BICD1: variants seen among roughly 807,000 people sequenced by gnomAD.
BICD1 encodes protein bicaudal D homolog 1.
A neutral mutation model predicts 92.5 loss-of-function variants in BICD1; 35 were observed. That is an observed-to-expected ratio of 0.38 (90% confidence interval 0.29 to 0.50). BICD1 has a LOEUF of 0.50. Among genes scored for constraint, BICD1 ranks in the 20% least tolerant of loss-of-function variants. BICD1 has a pLI of 0.93. For missense variants in BICD1, 950 were observed against 1,189.8 expected (o/e 0.80, Z 2.97); for synonymous variants, 429 against 465.1 (o/e 0.92, Z 1.00).
chr12:32,332,379 A>C, intron 5 of BICD1: 3 of 933,180 alleles, frequency 3.2e-6, no homozygotes, highest in Non-Finnish European at 2.6e-6. Context: ...CCCTGAACTT[A>C]AAAGTTAAAA....
chr12:32,243,264 A>ATTTTTTTTTTTTTTTTTTTTTTT (rs71068310), intron 2 of BICD1, among the ~76,000 whole-genome samples: 10 of 74,032 alleles, frequency 1.4e-4, no homozygotes, highest in South Asian at 6.2e-4. Flanking sequence ...TGCCTGGCTA[A>ATTTTTTTTTTTTTTTTTTTTTTT]TTTTTTTTTT....
chr12:32,286,855 C>T (rs1410531880), intron 2 of BICD1, among the ~76,000 whole-genome samples: 2 of 152,068 alleles, frequency 1.3e-5, no homozygotes, highest in African/African-American at 2.4e-5. Flanking sequence ...TATTCAGATG[C>T]AAAAGGAAAT....
Position 32,327,555 on chromosome 12 carries a change from G to A in BICD1, c.1100G>A (p.Arg367Gln), listed in dbSNP as rs142187819. 1.1e-4 allele frequency: 174 copies of A among 1,614,130 alleles called. No individual in the cohort carries two copies. The African/African-American group carries it at 1.8e-3, about 16-fold the overall frequency. The change falls in exon 5 of 10, where the codon CGG becomes CAG. Residue 367 changes from arginine to glutamine, a missense_variant. This residue lies in a region of BICD1 where 246 missense variants were observed against 258.4 expected (regional missense o/e 0.95). Transcript: ENST00000652176. ...GGGGCACTGACGGAGCAGCATGAGC[G>A]GGTGCACCGGCTCACAGAGCACGTC... ...TKGALTEQHE[R>Q]VHRLTEHVNA...
intron 1 of BICD1, among the ~76,000 whole-genome samples, chr12:32,143,791 C>T (rs1322999332): frequency 1.3e-5 from 2 of 152,204 alleles, no homozygotes; most frequent in Admixed American, 6.5e-5. Flanking sequence ...TTCTCACCAT[C>T]ATTGGATATT....
At chr12:32,243,149 G>A (rs1202074988) in intron 2 of BICD1, among the ~76,000 whole-genome samples, 1 of 151,556 alleles carries the variant, frequency 6.6e-6, no homozygotes, top group Non-Finnish European at 1.5e-5. Context: ...CCAGGCCGGA[G>A]TGCAGTGGTA....
intron 1 of BICD1, among the ~76,000 whole-genome samples, chr12:32,111,110 T>A (rs1941674051): frequency 2.0e-5 from 3 of 152,142 alleles, no homozygotes; most frequent in Admixed American, 6.5e-5. Flanking sequence ...AAAAAGGAAA[T>A]GTATCTGTGA....
intron 8 of BICD1, among the ~76,000 whole-genome samples, chr12:32,352,042 T>TA (rs1392238775): frequency 6.7e-6 from 1 of 148,786 alleles, no homozygotes; most frequent in African/African-American, 2.5e-5. Context: ...CCATCTCTAC[T>TA]AAAAATACAA....
rs1565639578 is a variant in BICD1 at position 32,282,199 on chromosome 12, C to CTTTTTTTT, written c.427-11793_427-11792insTTTTTTTT. On this transcript the variant is annotated intron_variant, in intron 2 of 9. Coordinates refer to ENST00000652176, the MANE Select transcript of BICD1 (RefSeq NM_001714.4). Reference sequence around the variant, plus strand: ...AAAGCAAGACCCAGCTTCAGGTCTTCTTCTTTTTTTTTTTTTTTTTTTTTT... The same window carrying CTTTTTTTT: ...AAAGCAAGACCCAGCTTCAGGTCTTCTTTTTTTTTTCTTTTTTTTTTTTTTTTTTTTTT... Among the ~76,000 whole-genome samples, 4 of 68,994 alleles carry CTTTTTTTT rather than the reference C, an allele frequency of 5.8e-5. 1 individual carries two copies. The highest frequency in any genetic ancestry group is 1.1e-3 in the South Asian group (2 of 1,866). The allele number at this position is 68,994 out of a possible 152,430, so 45.3% of individuals were successfully genotyped here. A position where few individuals can be genotyped will look rare whatever the true frequency, so the allele number is the denominator to read the frequency against.
intron 1 of BICD1, among the ~76,000 whole-genome samples, chr12:32,213,689 G>A (rs937358608): frequency 1.3e-5 from 2 of 152,086 alleles, no homozygotes; most frequent in South Asian, 2.1e-4. Context: ...GTGAGCCACC[G>A]CACCCGGCCC....
chr12:32,139,662 G>C (rs1213465491), intron 1 of BICD1, among the ~76,000 whole-genome samples: 2 of 152,032 alleles, frequency 1.3e-5, no homozygotes, highest in Admixed American at 1.3e-4. Flanking sequence ...TCCTGGGTTC[G>C]AGCGATTCCT....
chr12:32,169,114 C>T (rs1204653521), intron 1 of BICD1, among the ~76,000 whole-genome samples: 1 of 152,100 alleles, frequency 6.6e-6, no homozygotes, highest in Admixed American at 6.5e-5. Flanking sequence ...CTGTGATTAA[C>T]TCTGTGGAGT....
intron 1 of BICD1, among the ~76,000 whole-genome samples, chr12:32,148,838 G>GGT (rs1400473787): frequency 1.3e-5 from 2 of 152,084 alleles, no homozygotes; most frequent in Admixed American, 6.6e-5. Context: ...TAGGCAACAT[G>GGT]GTGAAACCCT....
At chr12:32,259,924 C>CTTT (rs56372956) in intron 2 of BICD1, among the ~76,000 whole-genome samples, 1 of 140,878 alleles carries the variant, frequency 7.1e-6, no homozygotes. Context: ...ACACTACACA[C>CTTT]TTTTTTTTTT....
intron 8 of BICD1, 188 bp from the exon 9 acceptor site, chr12:32,367,482 G>GAAA: frequency 1.7e-5 from 7 of 408,112 alleles, no homozygotes; most frequent in Admixed American, 8.1e-5. Context: ...CTGTATTTAA[G>GAAA]AAAAAAAAAA....
intron 2 of BICD1, among the ~76,000 whole-genome samples, chr12:32,279,302 C>T (rs186155989): frequency 3.0e-4 from 46 of 152,118 alleles, no homozygotes; most frequent in Admixed American, 6.5e-4. Flanking sequence ...AAATTGATTG[C>T]GGTGGTGGTC....
At chr12:32,174,873 C>G (rs1264437577) in intron 1 of BICD1, among the ~76,000 whole-genome samples, 2 of 152,126 alleles carry the variant, frequency 1.3e-5, no homozygotes, top group East Asian at 3.8e-4. Flanking sequence ...TCTTCTGATT[C>G]ACAAGCATGA....
intron 8 of BICD1, chr12:32,353,178 A>G (rs567100838): frequency 6.6e-6 from 1 of 152,298 alleles, no homozygotes; most frequent in African/African-American, 2.4e-5. Context: ...CTTCAATTAA[A>G]TTTCTGTGAA....
intron 8 of BICD1, among the ~76,000 whole-genome samples, chr12:32,342,164 ATG>A (rs3075990): frequency 7.1e-6 from 1 of 140,304 alleles, no homozygotes; most frequent in East Asian, 2.0e-4. Flanking sequence ...GTGTATATAT[ATG>A]TATATATATA....
chr12:32,233,612 C>T (rs564368913), intron 2 of BICD1, among the ~76,000 whole-genome samples: 45 of 140,626 alleles, frequency 3.2e-4, no homozygotes, highest in Non-Finnish European at 5.6e-4. Context: ...TTCTCTACTT[C>T]TCGGACCATA....
Sources: gnomAD v4.1 joint callset for allele counts (sites outside exome capture counted in the v4.1 genomes callset) on GRCh38, gnomAD v4.1.1 for gene constraint, gnomAD v4.1.1 regional missense constraint, MANE v1.5 for transcripts, NCBI Gene and HGNC (gene_info 2026-07-23, HGNC 2026-07-21) for gene names.